PDE8A: variants seen among roughly 807,000 people sequenced by gnomAD.
The protein encoded by PDE8A is phosphodiesterase 8A.
PDE8A carries 59 observed loss-of-function variants against 105.0 expected under a neutral mutation model. That is an observed-to-expected ratio of 0.56 (90% CI 0.46 to 0.70). PDE8A has a LOEUF of 0.70. PDE8A is among the 30% of genes least tolerant of loss of function. The pLI is 0.00. For missense variants in PDE8A, 1,014 were observed against 1,045.9 expected (o/e 0.97, Z 0.42); for synonymous variants, 355 against 371.9 (o/e 0.95, Z 0.52).
chr15:85,102,402 G>C (rs1264457022), intron 11 of PDE8A, among the ~76,000 whole-genome samples: 1 of 152,206 alleles, frequency 6.6e-6, no homozygotes, highest in East Asian at 1.9e-4. Flanking sequence ...CAGGAGAATG[G>C]CGAGGGCAGA....
At chr15:85,069,651 A>C (rs1267948111) in intron 3 of PDE8A, among the ~76,000 whole-genome samples, 1 of 152,136 alleles carries the variant, frequency 6.6e-6, no homozygotes, top group African/African-American at 2.4e-5. Flanking sequence ...CCAGAACCGA[A>C]AAGCTCACAC....
chr15:85,074,506 G>A (rs2081355219), intron 3 of PDE8A, among the ~76,000 whole-genome samples: 1 of 152,190 alleles, frequency 6.6e-6, no homozygotes, highest in African/African-American at 2.4e-5. Flanking sequence ...TTTGAGACCA[G>A]CCTGGGCAAT....
chr15:85,121,438 C>A (rs1020837416), intron 18 of PDE8A, among the ~76,000 whole-genome samples: 2 of 152,136 alleles, frequency 1.3e-5, no homozygotes, highest in Admixed American at 6.6e-5. Flanking sequence ...CTAAGTTAAA[C>A]CCTCTAATTA....
Position 85,100,037 on chromosome 15 carries a change from A to G in PDE8A, c.964A>G (p.Ile322Val). The change falls in exon 10 of 22, where the codon ATT becomes GTT. Residue 322 changes from isoleucine (I) to valine (V), a missense_variant. Coordinates refer to ENST00000394553, the MANE Select transcript of PDE8A (RefSeq NM_002605.3). ...CAGAAAAATTAGACACTATGTGTCC[A>G]TTATCAGAGTGTGCAATGGCAACAA... is the stretch of plus-strand genomic sequence containing the variant. ...QGGKIRHYVS[I>V]IRVCNGNNKA... The G allele has an allele frequency of 3.1e-6, 5 of 1,613,532 alleles. No homozygotes were observed. The highest frequency in any genetic ancestry group is 3.4e-6 in the Non-Finnish European group (4 of 1,179,708).
intron 8 of PDE8A, 40 bp downstream of exon 8, chr15:85,091,221 C>CA: frequency 1.9e-6 from 3 of 1,543,930 alleles, no homozygotes; most frequent in Non-Finnish European, 2.6e-6. Context: ...TTTCACAACA[C>CA]AGAGAGAAGG....
chr15:85,138,812 A>G lies in PDE8A; in HGVS notation c.*909A>G, dbSNP rs1567312767. ...TGTTGGTTCGCAAAGAAAAGTTAGG[A>G]CTTAACACTTTTTTCTAAAATTTTA... On this transcript the variant is annotated 3_prime_UTR_variant, in exon 22 of 22. Coordinates refer to ENST00000394553, the MANE Select transcript of PDE8A (RefSeq NM_002605.3). The G allele has an allele frequency of 6.6e-6, 1 of 152,250 alleles. No individual in the cohort carries two copies. The highest frequency in any genetic ancestry group is 1.5e-5 in the Non-Finnish European group (1 of 68,042). The allele number at this position is 152,250 out of a possible 1,614,324, so 9.4% of individuals were successfully genotyped here.
At chr15:85,075,628 C>G (rs1459251095) in intron 3 of PDE8A, among the ~76,000 whole-genome samples, 1 of 152,184 alleles carries the variant, frequency 6.6e-6, no homozygotes, top group Non-Finnish European at 1.5e-5. Context: ...TCTTAGTTAG[C>G]TGTTAATTCA....
upstream of PDE8A, among the ~76,000 whole-genome samples, chr15:84,980,889 G>C (rs1431693123): frequency 1.3e-5 from 2 of 152,212 alleles, no homozygotes; most frequent in African/African-American, 2.4e-5. Flanking sequence ...CGGCCGCCCC[G>C]GCGCCTGTGT....
intron 17 of PDE8A, among the ~76,000 whole-genome samples, chr15:85,119,761 G>T (rs868606644): frequency 7.9e-5 from 12 of 152,050 alleles, no homozygotes; most frequent in Middle Eastern, 3.4e-3. Flanking sequence ...AAAATATTCT[G>T]AATAATTTGG....
intron 11 of PDE8A, among the ~76,000 whole-genome samples, chr15:85,102,639 A>G (rs2081882715): frequency 6.6e-6 from 1 of 151,446 alleles, no homozygotes; most frequent in African/African-American, 2.4e-5. Context: ...TCGGGAGTTG[A>G]GAGCAGCCTG....
chr15:85,010,556 T>A (rs962293264), intron 1 of PDE8A, among the ~76,000 whole-genome samples: 1 of 152,192 alleles, frequency 6.6e-6, no homozygotes, highest in Admixed American at 6.5e-5. Flanking sequence ...CTGTATGTAT[T>A]TGATTGCCTC....
intron 11 of PDE8A, 159 bp downstream of exon 11, chr15:85,100,357 T>C (rs2081841108): frequency 1.5e-6 from 1 of 651,760 alleles, no homozygotes; most frequent in Non-Finnish European, 2.6e-6. Flanking sequence ...ATGAGTCACT[T>C]GTACAGAGGA....
chr15:85,026,116 G>A (rs1490295776), intron 1 of PDE8A, among the ~76,000 whole-genome samples: 2 of 152,194 alleles, frequency 1.3e-5, no homozygotes, highest in African/African-American at 4.8e-5. Context: ...CAGTTTAGCA[G>A]ATTATGCCTA....
intron 16 of PDE8A, 78 bp downstream of exon 16, chr15:85,116,197 A>G: frequency 1.4e-6 from 2 of 1,456,634 alleles, no homozygotes; most frequent in Non-Finnish European, 1.9e-6. Flanking sequence ...AGGAGTATGG[A>G]TTGTGCACAA....
chr15:85,089,143 A>G (rs1035196743), intron 6 of PDE8A, among the ~76,000 whole-genome samples, 195 bp from the exon 7 acceptor site: 1 of 152,168 alleles, frequency 6.6e-6, no homozygotes, highest in African/African-American at 2.4e-5. Flanking sequence ...TTGGAAGGAA[A>G]GATACCGCAG....
intron 1 of PDE8A, among the ~76,000 whole-genome samples, chr15:85,055,533 C>G (rs2081046520): frequency 6.6e-6 from 1 of 152,216 alleles, no homozygotes; most frequent in African/African-American, 2.4e-5. Flanking sequence ...GTTAGCTCTT[C>G]TTGTTGAATT....
chr15:85,087,208 A>C (rs1414449836), intron 6 of PDE8A, among the ~76,000 whole-genome samples: 2 of 148,796 alleles, frequency 1.3e-5, no homozygotes, highest in East Asian at 4.0e-4. Context: ...TGTTTTTTTT[A>C]TTTACTTATT....
chr15:85,097,922 T>C (rs2081785672), intron 8 of PDE8A, 26 bp from the exon 9 acceptor site: 1 of 1,248,528 alleles, frequency 8.0e-7, no homozygotes, highest in African/African-American at 1.5e-5. Context: ...ACACAAAGTA[T>C]GACGATGCTT....
Position 85,075,868 on chromosome 15 carries a change from C to T in PDE8A, c.441C>T (p.Ile147=), listed in dbSNP as rs2081372964. ...QLDAEALCRS[I]RSSKLSENTV... ...GTTTTGTGTTTTTTTTAAGGTCTAT[C>T]AGATCATCAAAACTCTCAGAAAACA... The change falls in exon 4 of 22, where the codon ATC becomes ATT. Residue 147 remains isoleucine, a synonymous_variant. Transcript: ENST00000394553. The T allele has an allele frequency of 6.5e-7, 1 of 1,539,064 alleles. No homozygotes were observed. Among genetic ancestry groups the T allele is most frequent in the Non-Finnish European group, 8.9e-7 (1 of 1,119,882 alleles).
Sources: allele counts gnomAD v4.1 joint callset (sites outside exome capture counted in the v4.1 genomes callset), GRCh38; gene constraint gnomAD v4.1.1; transcripts MANE v1.5; gene names NCBI Gene and HGNC (gene_info 2026-07-23, HGNC 2026-07-21).